The following AGMO variants were observed in gnomAD, a reference collection of about 807,000 sequenced individuals.
The protein encoded by AGMO is alkylglycerol monooxygenase.
A neutral mutation model predicts 60.2 loss-of-function variants in AGMO; 75 were observed. The observed-to-expected ratio is 1.25, with a 90% CI of 1.03 to 1.51. The LOEUF is 1.51. Among genes scored for constraint, AGMO ranks in the 40% most tolerant of loss-of-function variants. The probability of loss-of-function intolerance (pLI) is 0.00; values close to 1 mark genes in which losing one functional copy is unlikely to be tolerated. For missense variants in AGMO, 763 were observed against 525.5 expected (o/e 1.45, Z -4.42); for synonymous variants, 261 against 177.1 (o/e 1.47, Z -3.76).
intron 12 of AGMO, among the ~76,000 whole-genome samples, chr7:15,285,498 T>C (rs1158247494): frequency 6.6e-6 from 1 of 151,826 alleles, no homozygotes; most frequent in Non-Finnish European, 1.5e-5. Context: ...TAAAATACTT[T>C]AGGATATACT....
At chr7:15,495,680 A>G (rs1783202482) in intron 3 of AGMO, among the ~76,000 whole-genome samples, 1 of 152,160 alleles carries the variant, frequency 6.6e-6, no homozygotes, top group Non-Finnish European at 1.5e-5. Flanking sequence ...TATTTCTCAC[A>G]GTTCTGGTGG....
chr7:15,359,640 G>C (rs1337770597), intron 12 of AGMO, among the ~76,000 whole-genome samples: 1 of 152,058 alleles, frequency 6.6e-6, no homozygotes, highest in Non-Finnish European at 1.5e-5. Flanking sequence ...GTGTCTTAGA[G>C]CCATCATTTT....
At chr7:15,370,277 C>CG (rs1475179017) in intron 10 of AGMO, among the ~76,000 whole-genome samples, 1 of 152,144 alleles carries the variant, frequency 6.6e-6, no homozygotes, top group Non-Finnish European at 1.5e-5. Context: ...ATATGTAACA[C>CG]GTTTTCTTCA....
chr7:15,191,646 G>A, the AGMO span, among the ~76,000 whole-genome samples: 1 of 152,168 alleles, frequency 6.6e-6, no homozygotes, highest in Non-Finnish European at 1.5e-5. Context: ...AAACTGTTCA[G>A]TGATGAAAAT....
At chr7:15,545,457 TCCTC>T (rs1348634446) in intron 2 of AGMO, among the ~76,000 whole-genome samples, 1 of 151,932 alleles carries the variant, frequency 6.6e-6, no homozygotes, top group African/African-American at 2.4e-5. Flanking sequence ...CTTCTCTTCT[TCCTC>T]CTTCCTTTTT....
intron 12 of AGMO, among the ~76,000 whole-genome samples, chr7:15,245,988 G>A (rs552232987): frequency 1.3e-5 from 2 of 152,096 alleles, no homozygotes; most frequent in Non-Finnish European, 2.9e-5. Context: ...TGTCCAGTAC[G>A]ATTAAGAGAT....
At position 15,361,546 on chromosome 7, in the gene AGMO, A is replaced by AAAAAAAAAAAAAAAAAAAAAAAAG. The variant is rs60239009; in HGVS notation, c.1263+3967_1263+3968insCTTTTTTTTTTTTTTTTTTTTTTT. 2.6e-3 allele frequency among the ~76,000 whole-genome samples: 237 copies of AAAAAAAAAAAAAAAAAAAAAAAAG among 91,276 alleles called. 7 individuals carry two copies. Among genetic ancestry groups the AAAAAAAAAAAAAAAAAAAAAAAAG allele is most frequent in the Non-Finnish European group, 3.2e-3 (149 of 46,206 alleles). 59.9% of individuals were successfully genotyped at this position (91,276 alleles called of 152,430 possible). A position where few individuals can be genotyped will look rare whatever the true frequency, so the allele number is the denominator to read the frequency against. ...CAGAGCGAGACTGTGTCTCAAAAAA[A>AAAAAAAAAAAAAAAAAAAAAAAAG]AAAAAAAAGGTTTTGAGATTTAGAT... On this transcript the variant is annotated intron_variant, in intron 12 of 12. Coordinates refer to ENST00000342526, the MANE Select transcript of AGMO (RefSeq NM_001004320.2).
the AGMO span, among the ~76,000 whole-genome samples, chr7:15,139,148 GT>G: frequency 0.016 from 2,400 of 152,128 alleles, 38 homozygotes; most frequent in Non-Finnish European, 0.019. Context: ...CATAAAATAT[GT>G]AACTCCAGGT....
chr7:15,298,452 T>G (rs1304263923), intron 12 of AGMO, among the ~76,000 whole-genome samples: 4 of 152,162 alleles, frequency 2.6e-5, no homozygotes, highest in Admixed American at 1.3e-4. Flanking sequence ...TGAAGTGCAG[T>G]GGCACAATCA....
intron 3 of AGMO, among the ~76,000 whole-genome samples, chr7:15,523,787 G>A (rs549429675): frequency 2.6e-5 from 4 of 151,988 alleles, no homozygotes; most frequent in African/African-American, 9.6e-5. Context: ...ATACCTATGT[G>A]ACACACCTGC....
the AGMO span, among the ~76,000 whole-genome samples, chr7:15,136,349 T>C: frequency 6.6e-6 from 1 of 152,160 alleles, no homozygotes; most frequent in Non-Finnish European, 1.5e-5. Context: ...TCCCTTACCC[T>C]TTCTTGCACC....
intron 12 of AGMO, among the ~76,000 whole-genome samples, chr7:15,354,382 ACGTGTGTGTATACACGTGTGTG>A: frequency 2.1e-5 from 1 of 47,702 alleles, no homozygotes; most frequent in South Asian, 7.3e-4. Context: ...GTGTGTATAC[ACGTGTGTGTATACACGTGTGTG>A]TACACACGTG....
chr7:15,553,154 C>T (rs1464729019), intron 2 of AGMO, among the ~76,000 whole-genome samples: 3 of 150,034 alleles, frequency 2.0e-5, no homozygotes, highest in Non-Finnish European at 4.5e-5. Flanking sequence ...GGGAATATCA[C>T]ACTCTGGGGA....
intron 3 of AGMO, among the ~76,000 whole-genome samples, chr7:15,501,525 T>C (rs1021610507): frequency 5.9e-5 from 9 of 151,994 alleles, no homozygotes; most frequent in Admixed American, 3.3e-4. Context: ...ATTGTTTTAA[T>C]GACTGGTTTT....
chr7:15,183,129 C>CTT, the AGMO span, among the ~76,000 whole-genome samples: 19,551 of 148,906 alleles, frequency 0.13, 1,615 homozygotes, highest in East Asian at 0.47. Flanking sequence ...TTCAAGTATA[C>CTT]TTTTTTTTTT....
intron 3 of AGMO, among the ~76,000 whole-genome samples, chr7:15,454,980 G>A (rs528362955): frequency 2.2e-3 from 330 of 151,650 alleles, no homozygotes; most frequent in African/African-American, 7.7e-3. Context: ...TCTTCCATTA[G>A]TATTTTTTAA....
At chr7:15,504,436 T>C (rs942454085) in intron 3 of AGMO, among the ~76,000 whole-genome samples, 19 of 151,956 alleles carry the variant, frequency 1.3e-4, no homozygotes, top group African/African-American at 4.3e-4. Flanking sequence ...AATTTCAACC[T>C]CAAAACCCCC....
the AGMO span, among the ~76,000 whole-genome samples, chr7:15,174,801 A>G: frequency 6.6e-6 from 1 of 152,056 alleles, no homozygotes; most frequent in South Asian, 2.1e-4. Flanking sequence ...TATGAAAAGG[A>G]CATTCAAAGA....
chr7:15,485,142 C>CAAAAAAAAAAAAAAAAA (rs34731268), intron 3 of AGMO, among the ~76,000 whole-genome samples: 3 of 97,808 alleles, frequency 3.1e-5, no homozygotes, highest in Non-Finnish European at 4.3e-5. Flanking sequence ...ACTAAAAATA[C>CAAAAAAAAAAAAAAAAA]AAAAAAAAAA....
Sources: allele counts gnomAD v4.1 joint callset (sites outside exome capture counted in the v4.1 genomes callset), GRCh38; gene constraint gnomAD v4.1.1; transcripts MANE v1.5; gene names NCBI Gene and HGNC (gene_info 2026-07-23, HGNC 2026-07-21).